Variants in CSF2RA observed in about 807,000 individuals in gnomAD.
CSF2RA encodes granulocyte-macrophage colony-stimulating factor receptor subunit alpha.
A neutral mutation model predicts 51.6 loss-of-function variants in CSF2RA; 42 were observed. The observed-to-expected ratio is 0.81, with a 90% CI of 0.64 to 1.05. CSF2RA has a LOEUF of 1.05. Among genes scored for constraint, CSF2RA ranks in the 50% least tolerant of loss-of-function variants. The pLI is 0.00. For missense variants in CSF2RA, 530 were observed against 501.1 expected (o/e 1.06, Z -0.55); for synonymous variants, 222 against 193.0 (o/e 1.15, Z -1.24).
chrX:1,314,452 G>GCACTGCACCTGCCCAATCC (rs2084379416), downstream of CSF2RA, among the ~76,000 whole-genome samples: 1 of 44,680 alleles, frequency 2.2e-5, no homozygotes, highest in Non-Finnish European at 4.0e-5. Context: ...TTGCCCAATT[G>GCACTGCACCTGCCCAATCC]CACTGCACCT....
At chrX:1,294,496 G>A (rs772577090) in intron 8 of CSF2RA, 35 bp downstream of exon 8, 4 of 1,613,342 alleles carry the variant, frequency 2.5e-6, no homozygotes, top group Non-Finnish European at 3.4e-6. Flanking sequence ...GGCACCAGGA[G>A]GGAGGCGTAC....
downstream of CSF2RA, among the ~76,000 whole-genome samples, chrX:1,310,571 G>A (rs772403814): frequency 2.0e-3 from 307 of 151,604 alleles, no homozygotes; most frequent in African/African-American, 7.3e-3. Context: ...GGGAGGCTGA[G>A]GCAGGAGAAT....
intron 7 of CSF2RA, among the ~76,000 whole-genome samples, chrX:1,291,275 CTTT>C (rs34739571): frequency 0.48 from 60,564 of 127,122 alleles, 12,723 homozygotes; most frequent in Middle Eastern, 0.54. Context: ...TGCCTTTCTT[CTTT>C]TTTCTTCCTT....
chrX:1,306,939 CAGAG>C (rs1408245824), intron 12 of CSF2RA, among the ~76,000 whole-genome samples: 1 of 150,608 alleles, frequency 6.6e-6, no homozygotes, highest in Non-Finnish European at 1.5e-5. Context: ...AGGAAAAAGA[CAGAG>C]AGGGAGGCAG....
At chrX:1,310,536 C>T (rs182435071), downstream of CSF2RA, among the ~76,000 whole-genome samples, 34 of 151,698 alleles carry the variant, frequency 2.2e-4, 1 homozygote, top group East Asian at 5.5e-3. Flanking sequence ...GACGTGGTAG[C>T]GGGCGCCTGT....
At chrX:1,273,771 T>G (rs868173740) in intron 1 of CSF2RA, among the ~76,000 whole-genome samples, 1 of 75,486 alleles carries the variant, frequency 1.3e-5, no homozygotes, top group East Asian at 5.3e-4. Context: ...TTTTGTATTT[T>G]TTTTTTTTAG....
intron 4 of CSF2RA, chrX:1,287,050 A>G (rs145442077): frequency 0.011 from 1,625 of 151,854 alleles, 13 homozygotes; most frequent in Non-Finnish European, 0.019. Context: ...ATTGACTGAT[A>G]GGTGATAATA....
chrX:1,309,314 C>A, intron 12 of CSF2RA, 88 bp from the exon 13 acceptor site: 1 of 1,360,548 alleles, frequency 7.3e-7, no homozygotes. Flanking sequence ...GACTCCGTCT[C>A]GAGGGAGAAA....
the CSF2RA span, among the ~76,000 whole-genome samples, chrX:1,323,250 A>G: frequency 1.2e-4 from 18 of 151,718 alleles, no homozygotes; most frequent in Non-Finnish European, 1.6e-4. Flanking sequence ...GCGGTGGCTC[A>G]CGCCTGTAAT....
chrX:1,293,258 A>C (rs1250200133), intron 7 of CSF2RA, among the ~76,000 whole-genome samples: 1 of 152,140 alleles, frequency 6.6e-6, no homozygotes, highest in African/African-American at 2.4e-5. Context: ...TCTGTCGCCC[A>C]CCCAGGCTGG....
the CSF2RA span, among the ~76,000 whole-genome samples, chrX:1,323,084 G>C: frequency 4.0e-5 from 6 of 151,298 alleles, no homozygotes; most frequent in South Asian, 2.1e-4. Flanking sequence ...AGCCGAGATC[G>C]CGCCACCGCA....
the CSF2RA span, among the ~76,000 whole-genome samples, chrX:1,324,645 G>A: frequency 6.6e-6 from 1 of 152,088 alleles, no homozygotes; most frequent in South Asian, 2.1e-4. Flanking sequence ...AAGGACATAA[G>A]TGCTTTGGCC....
chrX:1,281,048 G>C (rs866599045), intron 2 of CSF2RA, among the ~76,000 whole-genome samples: 334 of 4,868 alleles, frequency 0.069, 4 homozygotes, highest in Admixed American at 0.095. Context: ...TTCTCCTCCT[G>C]CTCCCCTTCT....
intron 12 of CSF2RA, 169 bp downstream of exon 12, chrX:1,305,696 G>A (rs775593072): frequency 1.9e-5 from 29 of 1,563,016 alleles, no homozygotes; most frequent in Middle Eastern, 1.7e-4. Context: ...CTCCCGGGTC[G>A]GGGTCTTCTC....
At chrX:1,281,145 C>G (rs1156694475) in intron 2 of CSF2RA, among the ~76,000 whole-genome samples, 1 of 126,254 alleles carries the variant, frequency 7.9e-6, no homozygotes, top group Non-Finnish European at 1.7e-5. Flanking sequence ...TCCTCCTCCT[C>G]CAGCTCCCCT....
chrX:1,277,089 G>C (rs187653568), intron 2 of CSF2RA, among the ~76,000 whole-genome samples: 1 of 150,328 alleles, frequency 6.7e-6, no homozygotes, highest in Non-Finnish European at 1.5e-5. Flanking sequence ...ACAGAGCGAG[G>C]CTCCGTCTCT....
intron 2 of CSF2RA, among the ~76,000 whole-genome samples, chrX:1,279,515 C>A (rs111282553): frequency 6.6e-6 from 1 of 151,816 alleles, no homozygotes; most frequent in Non-Finnish European, 1.5e-5. Flanking sequence ...AGGTCAGGCC[C>A]ACCCAGACAG....
rs1230316461 is a variant in CSF2RA at position 1,288,876 on chromosome X, T to C, written c.461T>C (p.Ile154Thr). The change falls in exon 6 of 13, where the codon ATA becomes ACA. Residue 154 changes from isoleucine (I) to threonine (T), a missense_variant. By Grantham distance (89) the Ile-to-Thr change is moderately conservative. Coordinates refer to ENST00000381529, the MANE Select transcript of CSF2RA (RefSeq NM_172245.4). ...APRDVQYFLYIRNSKRRREIR... is the reference protein window; with the variant it reads ...APRDVQYFLYTRNSKRRREIR... Reference sequence around the variant, plus strand: ...CGTGACGTCCAGTATTTTTTGTACATACGAAACTCAAAGTAAGTGTTCACC... The same window carrying C: ...CGTGACGTCCAGTATTTTTTGTACACACGAAACTCAAAGTAAGTGTTCACC... The C allele has an allele frequency of 1.2e-6, 2 of 1,607,890 alleles. No individual in the cohort carries two copies. Among genetic ancestry groups the C allele is most frequent in the South Asian group, 2.2e-5 (2 of 90,710 alleles).
downstream of CSF2RA, among the ~76,000 whole-genome samples, chrX:1,314,922 C>T (rs1385452501): frequency 9.8e-6 from 1 of 101,588 alleles, no homozygotes; most frequent in African/African-American, 3.6e-5. Flanking sequence ...TTCACCTGCC[C>T]AACCGCACTG....
Sources: allele counts gnomAD v4.1 joint callset (sites outside exome capture counted in the v4.1 genomes callset), GRCh38; gene constraint gnomAD v4.1.1; transcripts MANE v1.5; gene names NCBI Gene and HGNC (gene_info 2026-07-23, HGNC 2026-07-21).